Variants in CTBP2 observed in about 807,000 individuals in gnomAD.
CTBP2 encodes C-terminal-binding protein 2.
In CTBP2, 30 loss-of-function variants were observed where a neutral mutation model predicts 80.3. The ratio of observed to expected loss-of-function variants is 0.37; its 90% CI spans 0.28 to 0.51. The LOEUF (loss-of-function observed/expected upper bound fraction) is 0.51, where lower values mean the gene tolerates loss of function less well. Ranked by LOEUF, CTBP2 falls within the 20% of genes least tolerant of loss-of-function variation. CTBP2 has a pLI of 0.93. For synonymous variants in CTBP2, 594 were observed against 587.4 expected, an observed-to-expected ratio of 1.01 and a Z score of -0.16; for missense variants, 1,212 against 1,375.3, an observed-to-expected ratio of 0.88 and a Z score of 1.88.
At chr10:125,157,208 C>G (rs543081707) in intron 1 of CTBP2, among the ~76,000 whole-genome samples, 2 of 152,268 alleles carry the variant, frequency 1.3e-5, no homozygotes, top group African/African-American at 4.8e-5. Flanking sequence ...TTTTTAGGGA[C>G]AATGAGGCTT....
chr10:125,112,751 A>G (rs764946132), intron 1 of CTBP2, among the ~76,000 whole-genome samples: 15 of 152,106 alleles, frequency 9.9e-5, no homozygotes, highest in Non-Finnish European at 2.1e-4. Context: ...AAACCATTCA[A>G]ATCTTAGGAA....
intron 4 of CTBP2, chr10:124,996,868 G>A (rs1330751469): frequency 6.6e-6 from 1 of 152,210 alleles, no homozygotes; most frequent in Non-Finnish European, 1.5e-5. Flanking sequence ...AAACACGGTG[G>A]GTCCTTTCAG....
At chr10:125,085,422 C>A (rs942518210) in intron 2 of CTBP2, among the ~76,000 whole-genome samples, 1 of 152,200 alleles carries the variant, frequency 6.6e-6, no homozygotes, top group Non-Finnish European at 1.5e-5. Context: ...TGAAAGAAAG[C>A]TCTGCGGGCA....
At chr10:125,144,093 G>C (rs1858316183) in intron 1 of CTBP2, among the ~76,000 whole-genome samples, 1 of 152,132 alleles carries the variant, frequency 6.6e-6, no homozygotes, top group South Asian at 2.1e-4. Context: ...TCATATCAAG[G>C]GGCAAACAGA....
intron 2 of CTBP2, among the ~76,000 whole-genome samples, chr10:125,072,214 T>C (rs1383927607): frequency 6.6e-6 from 1 of 152,078 alleles, no homozygotes; most frequent in Non-Finnish European, 1.5e-5. Flanking sequence ...CGGGAGGCTG[T>C]GGTTGCAGTG....
intron 4 of CTBP2, chr10:124,996,189 CG>C (rs1241054374): frequency 2.9e-4 from 11 of 38,510 alleles, no homozygotes; most frequent in African/African-American, 8.0e-4. Flanking sequence ...CCCGTCACAG[CG>C]CCCCCCCCGG....
At chr10:125,010,322 G>C (rs926754053) in intron 1 of CTBP2, among the ~76,000 whole-genome samples, 3 of 149,954 alleles carry the variant, frequency 2.0e-5, no homozygotes, top group African/African-American at 7.4e-5. Flanking sequence ...TTCTCTCTGT[G>C]TTGCTTCTGG....
chr10:125,057,943 G>A (rs1964278410), intron 2 of CTBP2, among the ~76,000 whole-genome samples: 4 of 151,808 alleles, frequency 2.6e-5, no homozygotes, highest in South Asian at 2.1e-4. Context: ...AGGGTCTCAC[G>A]GGAAGCCAGG....
chr10:125,039,728 C>T (rs1959193629), intron 2 of CTBP2, among the ~76,000 whole-genome samples: 1 of 152,254 alleles, frequency 6.6e-6, no homozygotes, highest in Non-Finnish European at 1.5e-5. Context: ...AGCTCCTAAC[C>T]AACGTTCCTC....
intron 1 of CTBP2, among the ~76,000 whole-genome samples, chr10:125,130,041 C>CT (rs10700714): frequency 0.33 from 47,863 of 142,956 alleles, 8,127 homozygotes; most frequent in African/African-American, 0.4. Flanking sequence ...GGATTTCTCT[C>CT]TTTTTTTTTT....
intron 2 of CTBP2, among the ~76,000 whole-genome samples, chr10:125,104,553 G>A (rs142222722): frequency 7.9e-5 from 12 of 152,218 alleles, no homozygotes; most frequent in African/African-American, 2.4e-4. Context: ...GCAGAAAAAC[G>A]TTCCATTTTA....
intron 1 of CTBP2, among the ~76,000 whole-genome samples, chr10:125,151,121 A>G (rs182847702): frequency 1.3e-5 from 2 of 152,296 alleles, no homozygotes; most frequent in African/African-American, 2.4e-5. Context: ...AGTTACTTGA[A>G]TAACAGGTAG....
At position 125,074,500 on chromosome 10, in the gene CTBP2, G is replaced by A. The variant is rs138781902; in HGVS notation, c.-101-35345C>T. 3.9e-5 allele frequency among the ~76,000 whole-genome samples: 6 copies of A among 152,230 alleles called. No individual in the cohort carries two copies. The South Asian group carries it at 6.2e-4, about 16-fold the overall frequency. On this transcript the variant is annotated intron_variant, in intron 2 of 10. Transcript: ENST00000337195. ...CTCCTGAGTAGCTGGGATCACAGGCGCCCGCCATCACACCCAGCAATTTTT... is the reference window on the plus strand; with the variant it reads ...CTCCTGAGTAGCTGGGATCACAGGCACCCGCCATCACACCCAGCAATTTTT...
intron 2 of CTBP2, among the ~76,000 whole-genome samples, chr10:125,102,926 C>T: frequency 6.6e-6 from 1 of 152,224 alleles, no homozygotes; most frequent in East Asian, 1.9e-4. Context: ...ACCACATTAT[C>T]CCTCACCTAC....
chr10:125,134,134 GA>G (rs1415465864), intron 1 of CTBP2, among the ~76,000 whole-genome samples: 1 of 152,198 alleles, frequency 6.6e-6, no homozygotes, highest in Non-Finnish European at 1.5e-5. Context: ...ATGCTGTTCT[GA>G]AAATGCAAAT....
chr10:125,161,809 A>T (rs1230149145), upstream of CTBP2, among the ~76,000 whole-genome samples: 1 of 150,448 alleles, frequency 6.6e-6, no homozygotes, highest in Admixed American at 6.6e-5. Context: ...TCGAGGAGGG[A>T]GGCGCGCTGC....
chr10:125,140,171 A>G (rs1857568537), intron 1 of CTBP2, among the ~76,000 whole-genome samples: 1 of 151,664 alleles, frequency 6.6e-6, no homozygotes, highest in Non-Finnish European at 1.5e-5. Flanking sequence ...GCTGCATGGC[A>G]GTTTGTTCAC....
intron 1 of CTBP2, among the ~76,000 whole-genome samples, chr10:125,016,227 G>A (rs1396561360): frequency 1.3e-5 from 2 of 151,960 alleles, no homozygotes; most frequent in East Asian, 3.9e-4. Flanking sequence ...CAGCAACCAG[G>A]AGGGCAAACG....
intron 1 of CTBP2, among the ~76,000 whole-genome samples, chr10:125,116,965 G>A (rs1197817530): frequency 6.6e-6 from 1 of 152,190 alleles, no homozygotes. Context: ...CAGCCCAGAG[G>A]ACCCATGGGT....
Sources: gnomAD v4.1 joint callset for allele counts (sites outside exome capture counted in the v4.1 genomes callset) on GRCh38, gnomAD v4.1.1 for gene constraint, MANE v1.5 for transcripts, NCBI Gene and HGNC (gene_info 2026-07-23, HGNC 2026-07-21) for gene names.